Variants in ADK observed in about 807,000 individuals in gnomAD.
The protein encoded by ADK is N6,N6-dimethyladenosine kinase.
ADK carries 24 observed loss-of-function variants against 44.7 expected under a neutral mutation model. The observed-to-expected ratio is 0.54, with a 90% CI of 0.39 to 0.76. ADK has a LOEUF of 0.76. ADK is among the 30% of genes least tolerant of loss of function. ADK has a pLI of 0.00. For synonymous variants in ADK, 128 were observed against 142.6 expected, an observed-to-expected ratio of 0.90 and a Z score of 0.73; for missense variants, 321 against 425.1, an observed-to-expected ratio of 0.76 and a Z score of 2.15.
intron 3 of ADK, among the ~76,000 whole-genome samples, chr10:74,286,861 A>AT (rs1337434197): frequency 6.6e-6 from 1 of 152,042 alleles, no homozygotes; most frequent in Non-Finnish European, 1.5e-5. Context: ...AAATTTTTTT[A>AT]TTTTTTAAGG....
intron 3 of ADK, among the ~76,000 whole-genome samples, chr10:74,272,465 G>A (rs888790470): frequency 6.6e-6 from 1 of 151,986 alleles, no homozygotes; most frequent in Non-Finnish European, 1.5e-5. Flanking sequence ...TGTAGAGATG[G>A]GGTCTCACTA....
intron 2 of ADK, among the ~76,000 whole-genome samples, chr10:74,206,180 GTAAAA>G (rs930688526): frequency 1.3e-5 from 2 of 152,162 alleles, no homozygotes; most frequent in Admixed American, 6.5e-5. Context: ...TATTTCAAAA[GTAAAA>G]TAAAGTATAG....
chr10:74,644,070 A>C (rs1350869746), intron 9 of ADK, among the ~76,000 whole-genome samples: 1 of 152,210 alleles, frequency 6.6e-6, no homozygotes, highest in Non-Finnish European at 1.5e-5. Flanking sequence ...ATTTTTTAAA[A>C]ATATGTCCAG....
At chr10:74,307,699 T>C (rs1395505009) in intron 3 of ADK, among the ~76,000 whole-genome samples, 1 of 152,214 alleles carries the variant, frequency 6.6e-6, no homozygotes, top group Non-Finnish European at 1.5e-5. Flanking sequence ...AGTTATTGCT[T>C]AACTACTCTC....
chr10:74,499,229 GT>G (rs1360554162), intron 6 of ADK, among the ~76,000 whole-genome samples: 9 of 151,984 alleles, frequency 5.9e-5, no homozygotes, highest in Non-Finnish European at 2.9e-5. Flanking sequence ...ATTCTGAGTT[GT>G]TTTTTATATT....
intron 4 of ADK, among the ~76,000 whole-genome samples, chr10:74,356,003 T>TATTGG (rs1554847170): frequency 0.016 from 485 of 30,472 alleles, 38 homozygotes; most frequent in South Asian, 0.029. Flanking sequence ...AAATAATTCA[T>TATTGG]TTTTTTTTTT....
intron 6 of ADK, among the ~76,000 whole-genome samples, chr10:74,479,958 T>A (rs1270445363): frequency 6.6e-6 from 1 of 152,118 alleles, no homozygotes; most frequent in African/African-American, 2.4e-5. Context: ...TAATGAGGTT[T>A]ACCAACAACA....
chr10:74,353,131 G>T (rs1450173790), intron 4 of ADK, among the ~76,000 whole-genome samples: 1 of 152,122 alleles, frequency 6.6e-6, no homozygotes, highest in South Asian at 2.1e-4. Flanking sequence ...TTATTGTAGC[G>T]CTATTTACAA....
intron 3 of ADK, among the ~76,000 whole-genome samples, chr10:74,294,523 G>A (rs1839742657): frequency 6.6e-6 from 1 of 152,168 alleles, no homozygotes; most frequent in African/African-American, 2.4e-5. Context: ...CTGACCTCAG[G>A]TGATCTGCCT....
intron 1 of ADK, among the ~76,000 whole-genome samples, chr10:74,178,564 C>T (rs1030857153): frequency 5.3e-5 from 8 of 152,080 alleles, no homozygotes; most frequent in African/African-American, 7.2e-5. Flanking sequence ...TCTTCCTGAC[C>T]GTGCCTCATT....
At chr10:74,687,804 C>G (rs2134254326) in intron 10 of ADK, among the ~76,000 whole-genome samples, 1 of 152,296 alleles carries the variant, frequency 6.6e-6, no homozygotes, top group South Asian at 2.1e-4. Context: ...ACTTCTATTT[C>G]TCTGTCATGA....
At chr10:74,172,242 C>T (rs575532388) in intron 1 of ADK, among the ~76,000 whole-genome samples, 1 of 151,468 alleles carries the variant, frequency 6.6e-6, no homozygotes, top group South Asian at 2.1e-4. Flanking sequence ...GGGCTCAAGC[C>T]ATCCTTCCAT....
chr10:74,371,931 CCT>C, intron 4 of ADK: 1 of 1,370,154 alleles, frequency 7.3e-7, no homozygotes, highest in Non-Finnish European at 1.0e-6. Flanking sequence ...TGACCACCAG[CCT>C]CTCACAGAGG....
At chr10:74,218,347 T>C (rs1844147417) in intron 2 of ADK, among the ~76,000 whole-genome samples, 1 of 152,064 alleles carries the variant, frequency 6.6e-6, no homozygotes, top group Non-Finnish European at 1.5e-5. Context: ...CAATCAAAGC[T>C]TCCAAGAAAT....
At chr10:74,602,677 T>A (rs1266051998) in intron 9 of ADK, among the ~76,000 whole-genome samples, 1 of 152,146 alleles carries the variant, frequency 6.6e-6, no homozygotes, top group Non-Finnish European at 1.5e-5. Flanking sequence ...TGAACTTAAA[T>A]CAAAGGATGC....
chr10:74,507,667 G>A (rs1326483489), intron 6 of ADK, among the ~76,000 whole-genome samples: 2 of 152,098 alleles, frequency 1.3e-5, no homozygotes, highest in African/African-American at 4.8e-5. Flanking sequence ...GGGATTTTGT[G>A]TAGCATCTTA....
intron 10 of ADK, among the ~76,000 whole-genome samples, chr10:74,695,890 T>G (rs1856179393): frequency 6.6e-6 from 1 of 152,086 alleles, no homozygotes; most frequent in Non-Finnish European, 1.5e-5. Context: ...CCTGCCCACC[T>G]TAGCCTCCCA....
At chr10:74,587,695 G>A (rs1272316556) in intron 7 of ADK, among the ~76,000 whole-genome samples, 1 of 150,926 alleles carries the variant, frequency 6.6e-6, no homozygotes, top group Non-Finnish European at 1.5e-5. Context: ...AATTTTGGAA[G>A]AATGTGAGTT....
intron 2 of ADK, among the ~76,000 whole-genome samples, chr10:74,221,549 G>A (rs1844309330): frequency 6.6e-6 from 1 of 151,310 alleles, no homozygotes; most frequent in East Asian, 1.9e-4. Flanking sequence ...CCAAAAAAGA[G>A]CTCACATCGC....
Sources: gnomAD v4.1 joint callset for allele counts (sites outside exome capture counted in the v4.1 genomes callset) on GRCh38, gnomAD v4.1.1 for gene constraint, MANE v1.5 for transcripts, NCBI Gene and HGNC (gene_info 2026-07-23, HGNC 2026-07-21) for gene names.